Variants in EIF3M observed in about 807,000 individuals in gnomAD.
EIF3M encodes the protein eukaryotic translation initiation factor 3 subunit M, also known as B5 receptor.
A neutral mutation model predicts 49.7 loss-of-function variants in EIF3M; 25 were observed. That is an observed-to-expected ratio of 0.50 (90% CI 0.37 to 0.70). The LOEUF (loss-of-function observed/expected upper bound fraction) is 0.70, where lower values mean the gene tolerates loss of function less well. EIF3M is among the 30% of genes least tolerant of loss of function. The pLI, the probability that EIF3M is intolerant of heterozygous loss-of-function variation, is 0.00. For synonymous variants in EIF3M, 156 were observed against 149.8 expected (o/e 1.04, Z -0.30); for missense variants, 350 against 440.0 (o/e 0.80, Z 1.83).
chr11:32,603,143 CTTAG>C lies in EIF3M; in HGVS notation c.*746_*749del, dbSNP rs1855298801. The C allele has an allele frequency of 1.4e-6, 1 of 701,392 alleles. No individual in the cohort carries two copies. The highest frequency in any genetic ancestry group is 2.4e-6 in the Non-Finnish European group (1 of 425,462). 43.4% of individuals were successfully genotyped at this position (701,392 alleles called of 1,614,324 possible). A position where few individuals can be genotyped will look rare whatever the true frequency, so the allele number is the denominator to read the frequency against. ...CCATCTCTTGGCTGATTTCCACTACCTTAGTAGTTCTGGCACCAGAAAAGTATAC... is the reference window on the plus strand; with the variant it reads ...CCATCTCTTGGCTGATTTCCACTACCTAGTTCTGGCACCAGAAAAGTATAC... On this transcript the variant is annotated 3_prime_UTR_variant, in exon 11 of 11. Coordinates refer to ENST00000531120, the MANE Select transcript of EIF3M (RefSeq NM_006360.6).
At chr11:32,591,521 G>A (rs1855102554) in intron 5 of EIF3M, among the ~76,000 whole-genome samples, 1 of 152,154 alleles carries the variant, frequency 6.6e-6, no homozygotes, top group Non-Finnish European at 1.5e-5. Context: ...ACAGATAAAA[G>A]ACCTCAGGAA....
chr11:32,594,049 ATCC>A, intron 6 of EIF3M, 100 bp downstream of exon 6: 1 of 717,380 alleles, frequency 1.4e-6, no homozygotes, highest in South Asian at 3.8e-5. Flanking sequence ...ACTACCAGTG[ATCC>A]AGAGCCATTT....
Position 32,583,859 on chromosome 11 carries a change from G to T in EIF3M, c.-29G>T. ...TTCCGGTCGGCGTGGTCTTGCGAGTGGAGTGTCCGCTGTGCCCGGGCCTGC... is the reference window on the plus strand; with the variant it reads ...TTCCGGTCGGCGTGGTCTTGCGAGTTGAGTGTCCGCTGTGCCCGGGCCTGC... On this transcript the variant is annotated 5_prime_UTR_variant, in exon 1 of 11. Transcript: ENST00000531120. The T allele has an allele frequency of 6.2e-7, 1 of 1,610,650 alleles. No homozygotes were observed. The highest frequency in any genetic ancestry group is 1.1e-5 in the South Asian group (1 of 90,702).
Position 32,589,616 on chromosome 11 carries a change from G to T in EIF3M, c.508G>T (p.Glu170Ter), listed in dbSNP as rs1855062472. 1 of 1,614,080 alleles carries T rather than the reference G, an allele frequency of 6.2e-7. No individual in the cohort carries two copies. Among genetic ancestry groups the T allele is most frequent in the Non-Finnish European group, 8.5e-7 (1 of 1,180,014 alleles). Residue 170 changes from glutamate (E) to a stop codon, truncating the protein, a stop_gained, in exon 5 of 11, where the codon GAG becomes TAG. Coordinates refer to ENST00000531120, the MANE Select transcript of EIF3M (RefSeq NM_006360.6). LOFTEE classifies it high-confidence loss of function. ...KKHTLLRLLYEALVDCKKSDA... is the reference protein window; with the variant it reads ...KKHTLLRLLY The stretch of plus-strand genomic sequence containing the variant: ...GCACACCCTTTTAAGACTACTTTAT[G>T]AGGCACTTGTGGATTGTAAGAAGAG...
chr11:32,602,429 A>G lies in EIF3M; in HGVS notation c.*30A>G, dbSNP rs1233376027. Reference sequence around the variant, plus strand: ...TTATGCTTATAATTTTTGTTCTTTGAAAAAAAAGCCCTAAATCATAGTAAA... The same window carrying G: ...TTATGCTTATAATTTTTGTTCTTTGGAAAAAAAGCCCTAAATCATAGTAAA... On this transcript the variant is annotated 3_prime_UTR_variant, in exon 11 of 11. Transcript: ENST00000531120. 3 of 1,589,634 alleles carry G rather than the reference A, an allele frequency of 1.9e-6. No individual in the cohort carries two copies. The highest frequency in any genetic ancestry group is 8.6e-7 in the Non-Finnish European group (1 of 1,167,740).
At chr11:32,585,982 C>T (rs922456892) in intron 1 of EIF3M, among the ~76,000 whole-genome samples, 4 of 152,318 alleles carry the variant, frequency 2.6e-5, no homozygotes, top group Middle Eastern at 3.4e-3. Flanking sequence ...ATAATCTTAG[C>T]ACTTTGGGAG....
At position 32,600,923 on chromosome 11, in the gene EIF3M, A is replaced by C. The variant is rs1407227858; in HGVS notation, c.943+91A>C. On this transcript the variant is annotated intron_variant, in intron 9 of 10. Coordinates refer to ENST00000531120, the MANE Select transcript of EIF3M (RefSeq NM_006360.6). ...GATTTTTATCTGGAAACTGAGCCTT[A>C]CACAACAAAGATTTGTTTATAGCAG... The C allele has an allele frequency of 2.0e-6, 3 of 1,471,708 alleles. No individual in the cohort carries two copies. In the Admixed American group the frequency reaches 7.0e-5, roughly 34 times the overall value. The allele number at this position is 1,471,708 out of a possible 1,614,324, so 91.2% of individuals were successfully genotyped here.
At chr11:32,586,257 A>AC (rs963827755) in intron 1 of EIF3M, among the ~76,000 whole-genome samples, 62 of 152,302 alleles carry the variant, frequency 4.1e-4, no homozygotes, top group African/African-American at 1.4e-3. Context: ...ACAAAACAAA[A>AC]AAAAACTGCG....
intron 4 of EIF3M, 91 bp from the exon 5 acceptor site, chr11:32,589,456 C>T (rs1275288402): frequency 1.2e-5 from 15 of 1,289,732 alleles, no homozygotes; most frequent in East Asian, 9.8e-5. Context: ...GGATTATAGG[C>T]GTGAGCCACC....
At position 32,604,672 on chromosome 11, in the gene EIF3M, G is replaced by C. The variant is rs191422592; in HGVS notation, c.*2273G>C. 6.6e-6 allele frequency: 1 copy of C among 152,210 alleles called. No homozygotes were observed. The highest frequency in any genetic ancestry group is 2.1e-4 in the South Asian group (1 of 4,826). The allele number at this position is 152,210 out of a possible 1,614,324, so 9.4% of individuals were successfully genotyped here. Reference sequence around the variant, plus strand: ...TTCTGTGTTCTGCAAATTATTTCTGGACATTTAAATTGTAAGAAAATGGTC... The same window carrying C: ...TTCTGTGTTCTGCAAATTATTTCTGCACATTTAAATTGTAAGAAAATGGTC... On this transcript the variant is annotated 3_prime_UTR_variant, in exon 11 of 11. Coordinates refer to ENST00000531120, the MANE Select transcript of EIF3M (RefSeq NM_006360.6).
At position 32,604,760 on chromosome 11, in the gene EIF3M, CT is replaced by C. The variant is rs1855323743; in HGVS notation, c.*2362del. Reference sequence around the variant, plus strand: ...AAATCTTTGTGAAGATCTTTGGGTACTGCCTTACATTAAAATCTTTTTCAAT... The same window carrying C: ...AAATCTTTGTGAAGATCTTTGGGTACGCCTTACATTAAAATCTTTTTCAAT... On this transcript the variant is annotated 3_prime_UTR_variant, in exon 11 of 11. Transcript: ENST00000531120. The C allele has an allele frequency of 6.6e-6, 1 of 152,124 alleles. No individual in the cohort carries two copies. Among genetic ancestry groups the C allele is most frequent in the Non-Finnish European group, 1.5e-5 (1 of 68,032 alleles). The allele number at this position is 152,124 out of a possible 1,614,324, so 9.4% of individuals were successfully genotyped here.
At position 32,589,816 on chromosome 11, in the gene EIF3M, G is replaced by T. The variant is rs528446499; in HGVS notation, c.533+175G>T. Among the ~76,000 whole-genome samples, 4 of 152,288 alleles carry T rather than the reference G, an allele frequency of 2.6e-5. No individual in the cohort carries two copies. The East Asian group carries it at 7.7e-4, about 29-fold the overall frequency. On this transcript the variant is annotated intron_variant, in intron 5 of 10. Transcript: ENST00000531120. Reference sequence around the variant, plus strand: ...TTAAAGATAACTATAAAGATTAAAAGTAGTTTTCCCTCATCTTTGAACTTT... The same window carrying T: ...TTAAAGATAACTATAAAGATTAAAATTAGTTTTCCCTCATCTTTGAACTTT...
At position 32,603,125 on chromosome 11, in the gene EIF3M, T is replaced by C; in HGVS notation, c.*726T>C. On this transcript the variant is annotated 3_prime_UTR_variant, in exon 11 of 11. Coordinates refer to ENST00000531120, the MANE Select transcript of EIF3M (RefSeq NM_006360.6). ...GAGTATGTGGTAAAACCACCATCTCTTGGCTGATTTCCACTACCTTAGTAG... is the reference window on the plus strand; with the variant it reads ...GAGTATGTGGTAAAACCACCATCTCCTGGCTGATTTCCACTACCTTAGTAG... 1 of 865,566 alleles carries C rather than the reference T, an allele frequency of 1.2e-6. No homozygotes were observed. Among genetic ancestry groups the C allele is most frequent in the Non-Finnish European group, 1.8e-6 (1 of 562,294 alleles). The allele number at this position is 865,566 out of a possible 1,614,324, so 53.6% of individuals were successfully genotyped here.
At chr11:32,597,946 T>C (rs1319990978) in intron 8 of EIF3M, among the ~76,000 whole-genome samples, 1 of 152,164 alleles carries the variant, frequency 6.6e-6, no homozygotes, top group Non-Finnish European at 1.5e-5. Flanking sequence ...TGTGCCTCCA[T>C]TGGAATTGGG....
chr11:32,592,730 T>G (rs1855122145), intron 5 of EIF3M: 1 of 496,344 alleles, frequency 2.0e-6, no homozygotes, highest in Non-Finnish European at 4.0e-6. Context: ...CAATAAACAG[T>G]TTTTTTTAGC....
intron 8 of EIF3M, among the ~76,000 whole-genome samples, chr11:32,598,778 A>G (rs1855216409): frequency 1.3e-5 from 2 of 152,086 alleles, no homozygotes; most frequent in African/African-American, 4.8e-5. Context: ...AGAAGTTTCT[A>G]TCACTTTATA....
At chr11:32,601,686 G>T in intron 9 of EIF3M, 76 bp from the exon 10 acceptor site, 1 of 1,360,778 alleles carries the variant, frequency 7.3e-7, no homozygotes, top group South Asian at 1.2e-5. Flanking sequence ...GGCTTACTTG[G>T]TCACAGTTTT....
intron 7 of EIF3M, 118 bp downstream of exon 7, chr11:32,595,131 T>A: frequency 1.2e-6 from 1 of 829,890 alleles, no homozygotes; most frequent in Non-Finnish European, 1.9e-6. Context: ...ATGGAAAGAT[T>A]AAGAACTATG....
chr11:32,585,321 G>C (rs1854978830), intron 1 of EIF3M, among the ~76,000 whole-genome samples: 1 of 152,044 alleles, frequency 6.6e-6, no homozygotes, highest in African/African-American at 2.4e-5. Context: ...CATACAAAGT[G>C]AATGGAGGAA....
Sources: allele counts gnomAD v4.1 joint callset (sites outside exome capture counted in the v4.1 genomes callset), GRCh38; gene constraint gnomAD v4.1.1; transcripts MANE v1.5; gene names NCBI Gene and HGNC (gene_info 2026-07-23, HGNC 2026-07-21).